Variants in INPP4B observed in about 807,000 individuals in gnomAD.
The protein encoded by INPP4B is inositol polyphosphate-4-phosphatase type II B, also known as inositol polyphosphate 4-phosphatase type II.
In INPP4B, 55 loss-of-function variants were observed where a neutral mutation model predicts 122.5. The ratio of observed to expected loss-of-function variants is 0.45; its 90% CI spans 0.36 to 0.56. INPP4B has a LOEUF of 0.56. INPP4B is among the 20% of genes least tolerant of loss of function. The probability of loss-of-function intolerance (pLI) is 0.00; values close to 1 mark genes in which losing one functional copy is unlikely to be tolerated. For missense variants in INPP4B, 1,000 were observed against 1,097.7 expected (o/e 0.91, Z 1.26); for synonymous variants, 403 against 388.7 (o/e 1.04, Z -0.43).
At chr4:142,263,636 T>TAA (rs1235081808) in intron 10 of INPP4B, among the ~76,000 whole-genome samples, 5 of 36,634 alleles carry the variant, frequency 1.4e-4, no homozygotes, top group East Asian at 1.5e-3. Flanking sequence ...GATAAATTCG[T>TAA]AAAATATATA....
intron 1 of INPP4B, among the ~76,000 whole-genome samples, chr4:142,842,462 C>CAAGAAAT (rs894243834): frequency 6.8e-6 from 1 of 147,082 alleles, no homozygotes; most frequent in African/African-American, 2.5e-5. Context: ...AAGATACTTC[C>CAAGAAAT]AAGAAATAAG....
chr4:142,540,665 T>C (rs74903479), intron 2 of INPP4B, among the ~76,000 whole-genome samples: 9,588 of 152,170 alleles, frequency 0.063, 362 homozygotes, highest in African/African-American at 0.09. Flanking sequence ...GGATTGAACG[T>C]CTTTGTTGTG....
intron 3 of INPP4B, among the ~76,000 whole-genome samples, chr4:142,441,036 T>C (rs1031829062): frequency 6.6e-6 from 1 of 151,684 alleles, no homozygotes; most frequent in Admixed American, 6.6e-5. Flanking sequence ...CAAGCGGAGA[T>C]CAGAGAAAAA....
At chr4:142,371,445 GT>G (rs1362618391) in intron 7 of INPP4B, among the ~76,000 whole-genome samples, 1 of 152,086 alleles carries the variant, frequency 6.6e-6, no homozygotes, top group African/African-American at 2.4e-5. Context: ...AACCTAGAAT[GT>G]TTTTGCATAG....
At chr4:142,716,388 G>T (rs903882855) in intron 2 of INPP4B, among the ~76,000 whole-genome samples, 1 of 152,042 alleles carries the variant, frequency 6.6e-6, no homozygotes, top group African/African-American at 2.4e-5. Context: ...TGATACTATC[G>T]CATCTTTCTA....
intron 1 of INPP4B, among the ~76,000 whole-genome samples, chr4:142,760,692 T>C (rs1771202940): frequency 6.6e-6 from 1 of 152,126 alleles, no homozygotes; most frequent in Non-Finnish European, 1.5e-5. Context: ...TATATTAAAT[T>C]TTGTATAAAA....
At chr4:142,239,290 C>T (rs1038643010) in intron 11 of INPP4B, among the ~76,000 whole-genome samples, 4 of 152,080 alleles carry the variant, frequency 2.6e-5, no homozygotes, top group Non-Finnish European at 4.4e-5. Flanking sequence ...TTCAAAACTT[C>T]TAGTACATGT....
In INPP4B at chr4:142,124,649, G is replaced by A. The variant is rs766650822; in HGVS notation, c.1832C>T (p.Ala611Val). The change falls in exon 19 of 26, where the codon GCG (alanine) becomes GTG (valine). Residue 611 changes from alanine (A) to valine (V), a missense_variant. By Grantham distance (64) the Ala-to-Val change is moderately conservative. Transcript: ENST00000262992. ...SLTFVLLQELAYSLPQCLMLT... is the reference protein window; with the variant it reads ...SLTFVLLQELVYSLPQCLMLT... ...CATCAGACACTGGGGCAAGCTGTAC[G>A]CAAGTTCCTGAAGGAGCACAAATGT... The A allele has an allele frequency of 3.7e-6, 6 of 1,613,480 alleles. No individual in the cohort carries two copies. Among genetic ancestry groups the A allele is most frequent in the Admixed American group, 3.3e-5 (2 of 59,928 alleles).
chr4:142,825,918 G>A (rs1321408583), intron 1 of INPP4B, among the ~76,000 whole-genome samples: 7 of 152,126 alleles, frequency 4.6e-5, no homozygotes, highest in Admixed American at 4.6e-4. Context: ...GCTTAAGCTA[G>A]AAGAGATCTC....
At chr4:142,581,805 TAATG>T (rs996760260) in intron 2 of INPP4B, among the ~76,000 whole-genome samples, 79 of 152,070 alleles carry the variant, frequency 5.2e-4, no homozygotes, top group African/African-American at 1.8e-3. Context: ...CAGAGACCTG[TAATG>T]ATAAGACTCC....
At chr4:142,036,841 G>C (rs1318997587) in intron 25 of INPP4B, among the ~76,000 whole-genome samples, 2 of 152,184 alleles carry the variant, frequency 1.3e-5, no homozygotes, top group Non-Finnish European at 2.9e-5. Context: ...TGAGCCCCAT[G>C]ACTGTATCAG....
intron 2 of INPP4B, among the ~76,000 whole-genome samples, chr4:142,721,881 CA>C (rs1229281952): frequency 6.6e-6 from 1 of 152,064 alleles, no homozygotes; most frequent in African/African-American, 2.4e-5. Flanking sequence ...TAATACAAAA[CA>C]TAGCAAAATT....
At chr4:142,248,031 G>T (rs1729815716) in intron 11 of INPP4B, among the ~76,000 whole-genome samples, 1 of 151,924 alleles carries the variant, frequency 6.6e-6, no homozygotes, top group Non-Finnish European at 1.5e-5. Context: ...CACCCCTCCT[G>T]CCCCTGCCCT....
Position 142,122,086 on chromosome 4 carries a change from T to C in INPP4B, c.2135+42A>G, listed in dbSNP as rs776310287. 8 of 1,249,600 alleles carry C rather than the reference T, an allele frequency of 6.4e-6. No homozygotes were observed. The Admixed American group carries it at 1.5e-4, about 23-fold the overall frequency. The allele number at this position is 1,249,600 out of a possible 1,614,324, so 77.4% of individuals were successfully genotyped here. A position where few individuals can be genotyped will look rare whatever the true frequency, so the allele number is the denominator to read the frequency against. Reference sequence around the variant, plus strand: ...TCCTCTGACAGGAGTTAACACGACATGTCTAACAAAGCCTGGTCTTCAGGA... The same window carrying C: ...TCCTCTGACAGGAGTTAACACGACACGTCTAACAAAGCCTGGTCTTCAGGA... On this transcript the variant is annotated intron_variant, in intron 21 of 25. Coordinates refer to ENST00000262992, the MANE Select transcript of INPP4B (RefSeq NM_001101669.3).
intron 2 of INPP4B, among the ~76,000 whole-genome samples, chr4:142,656,235 G>T (rs1239607172): frequency 6.6e-6 from 1 of 152,174 alleles, no homozygotes; most frequent in Non-Finnish European, 1.5e-5. Flanking sequence ...TCACCCAATA[G>T]AACCCTGTTT....
intron 2 of INPP4B, among the ~76,000 whole-genome samples, chr4:142,483,994 A>T (rs1007547922): frequency 1.3e-5 from 2 of 152,026 alleles, no homozygotes; most frequent in Non-Finnish European, 2.9e-5. Flanking sequence ...ATAAAAAAAA[A>T]CTTTTCCTGT....
Position 142,811,169 on chromosome 4 carries a change from T to C in INPP4B, c.-254+35040A>G, listed in dbSNP as rs996010566. ...TCGATGCAGTGCTGGTGCAGATGTC[T>C]TCCCTACCTCCACCTGTGCATATAT... is the stretch of plus-strand genomic sequence containing the variant. On this transcript the variant is annotated intron_variant, in intron 1 of 25. Coordinates refer to ENST00000262992, the MANE Select transcript of INPP4B (RefSeq NM_001101669.3). Among the ~76,000 whole-genome samples, 59 of 152,302 alleles carry C rather than the reference T, an allele frequency of 3.9e-4. 1 individual carries two copies. Among genetic ancestry groups the C allele is most frequent in the African/African-American group, 1.4e-3 (58 of 41,568 alleles).
chr4:142,089,504 T>C (rs1315501651), intron 23 of INPP4B, among the ~76,000 whole-genome samples: 1 of 150,050 alleles, frequency 6.7e-6, no homozygotes. Context: ...GAGAAAGTGA[T>C]AAATATCTGA....
intron 18 of INPP4B, among the ~76,000 whole-genome samples, chr4:142,129,607 T>C (rs1024338351): frequency 6.6e-6 from 1 of 152,146 alleles, no homozygotes; most frequent in African/African-American, 2.4e-5. Context: ...GCCTAGAAAC[T>C]AGGCTAATTC....
Sources: allele counts gnomAD v4.1 joint callset (sites outside exome capture counted in the v4.1 genomes callset), GRCh38; gene constraint gnomAD v4.1.1; transcripts MANE v1.5; gene names NCBI Gene and HGNC (gene_info 2026-07-23, HGNC 2026-07-21).